SNCAIP: variants seen among roughly 807,000 people sequenced by gnomAD.
SNCAIP encodes the protein synuclein alpha interacting protein.
A neutral mutation model predicts 86.7 loss-of-function variants in SNCAIP; 43 were observed. That is an observed-to-expected ratio of 0.50 (90% CI 0.39 to 0.64). The LOEUF is 0.64. SNCAIP is among the 30% of genes least tolerant of loss of function. The pLI is 0.00. For missense variants in SNCAIP, 981 were observed against 1,103.1 expected (o/e 0.89, Z 1.57); for synonymous variants, 417 against 427.2 (o/e 0.98, Z 0.29).
intron 1 of SNCAIP, among the ~76,000 whole-genome samples, chr5:122,353,551 G>A (rs2152748714): frequency 6.6e-6 from 1 of 152,096 alleles, no homozygotes; most frequent in Non-Finnish European, 1.5e-5. Flanking sequence ...CACATGTCAT[G>A]GGAGGGACCC....
intron 1 of SNCAIP, among the ~76,000 whole-genome samples, chr5:122,363,240 C>G (rs1220600343): frequency 6.6e-6 from 1 of 152,162 alleles, no homozygotes; most frequent in African/African-American, 2.4e-5. Context: ...AGGTGATCTG[C>G]CTGCCTCGGT....
intron 1 of SNCAIP, among the ~76,000 whole-genome samples, chr5:122,350,729 C>G (rs1759609414): frequency 6.6e-6 from 1 of 152,144 alleles, no homozygotes. Context: ...TGAGACAGGT[C>G]TCAAAACTGC....
chr5:122,323,995 T>C (rs1394059484), intron 1 of SNCAIP, among the ~76,000 whole-genome samples: 1 of 152,196 alleles, frequency 6.6e-6, no homozygotes, highest in Non-Finnish European at 1.5e-5. Flanking sequence ...TTCACTTGCC[T>C]TGTCCCTGAA....
At chr5:122,462,710 C>T (rs1786687393) in intron 10 of SNCAIP, among the ~76,000 whole-genome samples, 1 of 152,164 alleles carries the variant, frequency 6.6e-6, no homozygotes, top group African/African-American at 2.4e-5. Flanking sequence ...AATGTGGTCT[C>T]ATAATAGCTA....
Position 122,423,023 on chromosome 5 carries a change from G to A in SNCAIP, c.286G>A (p.Asp96Asn), listed in dbSNP as rs745531860. ...PETLENNESD[D>N]QKNQKVVEYQ... ...GACTCTGGAGAACAATGAAAGTGAT[G>A]ACCAAAAGAACCAGAAAGTGGTTGA... The change falls in exon 4 of 11, where the codon GAC (aspartate) becomes AAC (asparagine). Residue 96 changes from aspartate (D) to asparagine (N), a missense_variant. Asp to Asn is a conservative substitution (Grantham distance 23, BLOSUM62 1). Coordinates refer to ENST00000261368, the MANE Select transcript of SNCAIP (RefSeq NM_005460.4). 7.4e-6 allele frequency: 12 copies of A among 1,614,106 alleles called. No homozygotes were observed. Among genetic ancestry groups the A allele is most frequent in the East Asian group, 4.5e-5 (2 of 44,854 alleles).
chr5:122,315,425 A>G (rs1245745391), intron 1 of SNCAIP, among the ~76,000 whole-genome samples: 4 of 152,220 alleles, frequency 2.6e-5, no homozygotes. Flanking sequence ...CTCACCTTGA[A>G]TCACATTAGC....
intron 1 of SNCAIP, among the ~76,000 whole-genome samples, chr5:122,375,431 G>T (rs1343255675): frequency 6.7e-6 from 1 of 148,162 alleles, no homozygotes; most frequent in African/African-American, 2.5e-5. Flanking sequence ...ATACATTTAT[G>T]TAAGCATTGA....
In SNCAIP at chr5:122,451,051, TCAGCATCAAGGCCTC is replaced by T; in HGVS notation, c.2207_2221del (p.Ser736_Ser740del). The T allele has an allele frequency of 6.2e-7, 1 of 1,614,140 alleles. No individual in the cohort carries two copies. Among genetic ancestry groups the T allele is most frequent in the South Asian group, 1.1e-5 (1 of 91,076 alleles). Reference sequence around the variant, plus strand: ...GCATCAGGGGGACGCAGGTTTCCTTTCAGCATCAAGGCCTCCAAATCCCTGGATGGCCACAGCCCA... The same window carrying T: ...GCATCAGGGGGACGCAGGTTTCCTTTCAAATCCCTGGATGGCCACAGCCCA... On this transcript the variant is annotated inframe_deletion, in exon 10 of 11. Transcript: ENST00000261368.
At chr5:122,426,713 TGAA>T (rs1352083410) in intron 5 of SNCAIP, among the ~76,000 whole-genome samples, 1 of 152,108 alleles carries the variant, frequency 6.6e-6, no homozygotes, top group Non-Finnish European at 1.5e-5. Flanking sequence ...GCAGCTATCA[TGAA>T]GAAAGATAAA....
chr5:122,462,657 A>G (rs929917300), intron 10 of SNCAIP, among the ~76,000 whole-genome samples: 9 of 152,226 alleles, frequency 5.9e-5, no homozygotes, highest in Non-Finnish European at 1.3e-4. Context: ...AGCAAGCACA[A>G]TTTTGAGACT....
chr5:122,373,932 T>C (rs1764758136), intron 1 of SNCAIP, among the ~76,000 whole-genome samples: 1 of 152,206 alleles, frequency 6.6e-6, no homozygotes, highest in African/African-American at 2.4e-5. Context: ...TGGTGGTATA[T>C]ATCCCAGTTT....
intron 3 of SNCAIP, among the ~76,000 whole-genome samples, chr5:122,417,741 C>G (rs983139336): frequency 6.6e-6 from 1 of 152,014 alleles, no homozygotes; most frequent in Non-Finnish European, 1.5e-5. Flanking sequence ...TCCCCACCTC[C>G]CCTTTTATTC....
chr5:122,417,680 C>A (rs891826254), intron 3 of SNCAIP, among the ~76,000 whole-genome samples: 4 of 151,710 alleles, frequency 2.6e-5, no homozygotes, highest in Admixed American at 6.6e-5. Context: ...CCTTCCTTCC[C>A]TCCTTTCTTC....
intron 2 of SNCAIP, among the ~76,000 whole-genome samples, 200 bp from the exon 3 acceptor site, chr5:122,403,593 A>G (rs1319287712): frequency 6.6e-6 from 1 of 152,048 alleles, no homozygotes; most frequent in Non-Finnish European, 1.5e-5. Context: ...TTTAAACTGC[A>G]TGTGGTTAGA....
At chr5:122,355,097 T>A (rs1204681462) in intron 1 of SNCAIP, among the ~76,000 whole-genome samples, 1 of 152,224 alleles carries the variant, frequency 6.6e-6, no homozygotes, top group African/African-American at 2.4e-5. Context: ...AGCCTCCTAC[T>A]GTAAACATTT....
chr5:122,427,487 A>C (rs1050515806), intron 5 of SNCAIP, among the ~76,000 whole-genome samples: 2 of 152,088 alleles, frequency 1.3e-5, no homozygotes, highest in African/African-American at 4.8e-5. Flanking sequence ...AAATGATTTG[A>C]ATGTTCTATT....
chr5:122,432,408 A>G (rs1778587753), intron 6 of SNCAIP, among the ~76,000 whole-genome samples: 1 of 152,164 alleles, frequency 6.6e-6, no homozygotes. Context: ...TGAATTTTGG[A>G]GATAAAGAGA....
intron 1 of SNCAIP, among the ~76,000 whole-genome samples, chr5:122,314,819 C>T (rs1433235656): frequency 2.0e-5 from 3 of 152,110 alleles, no homozygotes; most frequent in African/African-American, 7.2e-5. Context: ...TAGCTAGGCC[C>T]TGGGAAAGTA....
At position 122,415,925 on chromosome 5, in the gene SNCAIP, C is replaced by T. The variant is rs116668349; in HGVS notation, c.131-6943C>T. Among the ~76,000 whole-genome samples the T allele has an allele frequency of 2.8e-3, 428 of 152,234 alleles. 2 individuals carry two copies. The highest frequency in any genetic ancestry group is 9.9e-3 in the African/African-American group (413 of 41,534). On this transcript the variant is annotated intron_variant, in intron 3 of 10. Coordinates refer to ENST00000261368, the MANE Select transcript of SNCAIP (RefSeq NM_005460.4). ...TCCACTCCCGAGGTTTTGCTAGTGT[C>T]GAAGTGAAGGTCAGCATACTTTATA... is the stretch of plus-strand genomic sequence containing the variant.
Sources: gnomAD v4.1 joint callset for allele counts (sites outside exome capture counted in the v4.1 genomes callset) on GRCh38, gnomAD v4.1.1 for gene constraint, MANE v1.5 for transcripts, NCBI Gene and HGNC (gene_info 2026-07-23, HGNC 2026-07-21) for gene names.